Variants in LHX8 observed in about 807,000 individuals in gnomAD.
The protein encoded by LHX8 is LIM/homeobox protein Lhx8.
Under a neutral mutation model 40.3 loss-of-function variants are expected in LHX8, and 12 were observed. The ratio of observed to expected loss-of-function variants is 0.30; its 90% CI spans 0.19 to 0.48. The LOEUF is 0.48. Ranked by LOEUF, LHX8 falls within the 20% of genes least tolerant of loss-of-function variation. The pLI is 0.99. For missense variants in LHX8, 344 were observed against 433.7 expected, an observed-to-expected ratio of 0.79 and a Z score of 1.84; for synonymous variants, 179 against 162.0, an observed-to-expected ratio of 1.10 and a Z score of -0.80.
rs1648296683 is a variant in LHX8, at chr1:75,140,993, C to T, written c.246C>T (p.Asp82=). ...IVDKYLLKVN[D]LCWHVRCLSC... Reference sequence around the variant, plus strand: ...TTCTCTTCCCTTCACAGGTGAATGACCTATGCTGGCATGTCCGGTGTCTCT... The same window carrying T: ...TTCTCTTCCCTTCACAGGTGAATGATCTATGCTGGCATGTCCGGTGTCTCT... Residue 82 remains aspartate, a synonymous_variant, in exon 4 of 9, where the codon GAC becomes GAT. Transcript: ENST00000356261. 1 of 1,613,526 alleles carries T rather than the reference C, an allele frequency of 6.2e-7. No homozygotes were observed. The highest frequency in any genetic ancestry group is 8.5e-7 in the Non-Finnish European group (1 of 1,179,614).
chr1:75,176,429 T>A, the LHX8 span, among the ~76,000 whole-genome samples: 2 of 152,226 alleles, frequency 1.3e-5, no homozygotes, highest in Admixed American at 1.3e-4. Flanking sequence ...CCAGTGATGA[T>A]GAGCATTTTT....
downstream of LHX8, among the ~76,000 whole-genome samples, chr1:75,161,904 G>A (rs1423466621): frequency 2.0e-5 from 3 of 152,134 alleles, no homozygotes; most frequent in African/African-American, 7.2e-5. Flanking sequence ...ACCCTTTAGG[G>A]ATGGTGATTC....
chr1:75,140,833 A>C, intron 3 of LHX8, 152 bp from the exon 4 acceptor site: 1 of 753,060 alleles, frequency 1.3e-6, no homozygotes, highest in Non-Finnish European at 2.2e-6. Context: ...TACAAAAATG[A>C]CATCTTAAAA....
chr1:75,168,476 C>T, the LHX8 span, among the ~76,000 whole-genome samples: 2 of 152,204 alleles, frequency 1.3e-5, no homozygotes, highest in Non-Finnish European at 2.9e-5. Flanking sequence ...ATCCACCTGC[C>T]TCAGCCTCCC....
chr1:75,134,161 C>T (rs1648045972), upstream of LHX8, among the ~76,000 whole-genome samples: 1 of 152,030 alleles, frequency 6.6e-6, no homozygotes, highest in African/African-American at 2.4e-5. Context: ...GTCAAGTTAA[C>T]AGGACATCCC....
chr1:75,142,811 ATG>A (rs1277304705), intron 4 of LHX8, among the ~76,000 whole-genome samples: 3 of 152,142 alleles, frequency 2.0e-5, no homozygotes, highest in African/African-American at 7.2e-5. Context: ...AAATTTATAA[ATG>A]CACTGATATT....
intron 7 of LHX8, among the ~76,000 whole-genome samples, chr1:75,154,994 T>A (rs1208651669): frequency 6.6e-6 from 1 of 152,204 alleles, no homozygotes; most frequent in Non-Finnish European, 1.5e-5. Flanking sequence ...TTCTTATAAA[T>A]TCTTTGCAGC....
At chr1:75,140,121 G>A (rs931128836) in intron 3 of LHX8, among the ~76,000 whole-genome samples, 3 of 152,150 alleles carry the variant, frequency 2.0e-5, no homozygotes, top group African/African-American at 2.4e-5. Flanking sequence ...AAGTTGTAGC[G>A]CTTGTAATAT....
Position 75,143,892 on chromosome 1 carries a change from A to G in LHX8, c.628A>G (p.Asn210Asp). The G allele has an allele frequency of 6.2e-7, 1 of 1,613,444 alleles. No individual in the cohort carries two copies. Residue 210 changes from asparagine to aspartate, a missense_variant, in exon 6 of 9, where the codon AAC (asparagine) becomes GAC (aspartate). Coordinates refer to ENST00000356261, the MANE Select transcript of LHX8 (RefSeq NM_001256114.2). Reference sequence around the variant, plus strand: ...TGCCCTCCTCACAGAGCAAGATGTTAACCATCCAAAACCAGCAAAAAGAGC... The same window carrying G: ...TGCCCTCCTCACAGAGCAAGATGTTGACCATCCAAAACCAGCAAAAAGAGC... Reference protein sequence around the residue: ...EGALLTEQDVNHPKPAKRART... With the variant: ...EGALLTEQDVDHPKPAKRART...
intron 3 of LHX8, among the ~76,000 whole-genome samples, chr1:75,139,150 T>C (rs1648236552): frequency 6.6e-6 from 1 of 152,182 alleles, no homozygotes; most frequent in Admixed American, 6.5e-5. Context: ...GTTAGAAAAG[T>C]ATGACAGGAG....
chr1:75,175,418 C>A, the LHX8 span, among the ~76,000 whole-genome samples: 1 of 152,134 alleles, frequency 6.6e-6, no homozygotes, highest in African/African-American at 2.4e-5. Context: ...GTTCATATTC[C>A]CACCATCCAG....
At chr1:75,199,423 A>G in the LHX8 span, among the ~76,000 whole-genome samples, 2 of 152,328 alleles carry the variant, frequency 1.3e-5, no homozygotes, top group African/African-American at 2.4e-5. Flanking sequence ...TGTAAGTACA[A>G]TGAAAACATC....
downstream of LHX8, among the ~76,000 whole-genome samples, chr1:75,161,876 A>AT (rs1183397849): frequency 6.6e-6 from 1 of 152,120 alleles, no homozygotes; most frequent in Admixed American, 6.6e-5. Flanking sequence ...AACTCTTTGC[A>AT]TTTTCTTCTT....
chr1:75,177,766 A>T, the LHX8 span, among the ~76,000 whole-genome samples: 1 of 152,160 alleles, frequency 6.6e-6, no homozygotes, highest in Non-Finnish European at 1.5e-5. Flanking sequence ...TTTCAAAGGG[A>T]ATGTTTCCAG....
At chr1:75,150,427 G>T (rs544402623) in intron 7 of LHX8, among the ~76,000 whole-genome samples, 1 of 152,254 alleles carries the variant, frequency 6.6e-6, no homozygotes, top group Admixed American at 6.5e-5. Flanking sequence ...CAAGCAAAGA[G>T]ATCTAATGCC....
rs771866163 is a variant in LHX8, at chr1:75,160,908, G to A, written c.*13G>A. ...AAGTCATACCTAATTCTTTTTTCAG[G>A]GATAGACTTGATTAAGGATATAAAT... On this transcript the variant is annotated 3_prime_UTR_variant, in exon 9 of 9. Transcript: ENST00000356261. 7 of 1,562,616 alleles carry A rather than the reference G, an allele frequency of 4.5e-6. No homozygotes were observed. The African/African-American group carries it at 9.5e-5, about 21-fold the overall frequency.
chr1:75,189,108 G>A, the LHX8 span, among the ~76,000 whole-genome samples: 1 of 152,174 alleles, frequency 6.6e-6, no homozygotes, highest in Non-Finnish European at 1.5e-5. Context: ...GTATCAGATA[G>A]CATTTGCCGT....
Position 75,134,647 on chromosome 1 carries a change from G to T in LHX8, c.-320G>T, listed in dbSNP as rs996296844. On this transcript the variant is annotated 5_prime_UTR_variant, in exon 1 of 9. Transcript: ENST00000356261. The stretch of plus-strand genomic sequence containing the variant: ...GTATTGGAAGAACGATCAGATGTTT[G>T]TGTGTAAACTAGTAGCAAAGGACGT... 6.6e-6 allele frequency among the ~76,000 whole-genome samples: 1 copy of T among 152,094 alleles called. No homozygotes were observed. The highest frequency in any genetic ancestry group is 2.4e-5 in the African/African-American group (1 of 41,402).
chr1:75,147,847 C>T (rs990599709), intron 6 of LHX8, among the ~76,000 whole-genome samples: 3 of 152,176 alleles, frequency 2.0e-5, no homozygotes, highest in Non-Finnish European at 4.4e-5. Flanking sequence ...TACTCTTCTC[C>T]CTTTATCTTT....
Sources: gnomAD v4.1 joint callset for allele counts (sites outside exome capture counted in the v4.1 genomes callset) on GRCh38, gnomAD v4.1.1 for gene constraint, MANE v1.5 for transcripts, NCBI Gene and HGNC (gene_info 2026-07-23, HGNC 2026-07-21) for gene names.